Variants in VWA3B observed in about 807,000 individuals in gnomAD.
VWA3B encodes von Willebrand factor A domain containing 3B.
In VWA3B, 138 loss-of-function variants were observed where a neutral mutation model predicts 158.3. The ratio of observed to expected loss-of-function variants is 0.87; its 90% CI spans 0.76 to 1.00. The LOEUF (loss-of-function observed/expected upper bound fraction) is 1.00. Among genes scored for constraint, VWA3B ranks in the 50% least tolerant of loss-of-function variants. VWA3B has a pLI of 0.00. For synonymous variants in VWA3B, 596 were observed against 587.3 expected (o/e 1.01, Z -0.21); for missense variants, 1,555 against 1,565.1 (o/e 0.99, Z 0.11).
chr2:98,256,113 T>G lies in VWA3B; in HGVS notation c.2793-11T>G. 6.2e-7 allele frequency: 1 copy of G among 1,613,050 alleles called. No individual in the cohort carries two copies. The highest frequency in any genetic ancestry group is 1.1e-5 in the South Asian group (1 of 90,922). On this transcript the variant is annotated splice_polypyrimidine_tract_variant and intron_variant, in intron 20 of 27. Transcript: ENST00000477737. ...GCTACAAAATTATTGTTGACTTTTTTTTTTTAACAGGCGCTTGAATAAAAT... is the reference window on the plus strand; with the variant it reads ...GCTACAAAATTATTGTTGACTTTTTGTTTTTAACAGGCGCTTGAATAAAAT...
rs1682904719 is a variant in VWA3B, at chr2:98,098,996, C to T, written c.196+5708C>T. On this transcript the variant is annotated intron_variant, in intron 2 of 27. Coordinates refer to ENST00000477737, the MANE Select transcript of VWA3B (RefSeq NM_144992.5). ...AACCTTCTAAACTTTAACTCTATCC[C>T]CCAATTTTGAATTTTTGATATGATT... Among the ~76,000 whole-genome samples the T allele has an allele frequency of 2.6e-5, 4 of 152,022 alleles. No homozygotes were observed. The South Asian group carries it at 8.3e-4, about 32-fold the overall frequency.
chr2:98,301,594 C>A (rs1424415470), intron 25 of VWA3B, among the ~76,000 whole-genome samples: 2 of 152,170 alleles, frequency 1.3e-5, no homozygotes, highest in Non-Finnish European at 2.9e-5. Flanking sequence ...TCACTCAGAT[C>A]CCTTCCTTCT....
chr2:98,174,845 A>C (rs1478107045), intron 8 of VWA3B, among the ~76,000 whole-genome samples: 2 of 152,216 alleles, frequency 1.3e-5, no homozygotes, highest in African/African-American at 4.8e-5. Flanking sequence ...ACAGCATGGA[A>C]AGTGTGGCCT....
chr2:98,214,212 A>AG (rs1553416711), intron 13 of VWA3B, among the ~76,000 whole-genome samples: 4 of 151,490 alleles, frequency 2.6e-5, no homozygotes, highest in African/African-American at 9.7e-5. Flanking sequence ...CAAAAAAAAA[A>AG]GCAAAACACA....
At chr2:98,270,546 C>A in intron 21 of VWA3B, 136 bp from the exon 22 acceptor site, 1 of 857,652 alleles carries the variant, frequency 1.2e-6, no homozygotes, top group Non-Finnish European at 1.8e-6. Flanking sequence ...TCATCTGACA[C>A]CTGACACTAG....
At chr2:98,104,345 T>A (rs1362255312) in intron 2 of VWA3B, among the ~76,000 whole-genome samples, 1 of 152,158 alleles carries the variant, frequency 6.6e-6, no homozygotes, top group African/African-American at 2.4e-5. Flanking sequence ...CTCAGGAAGC[T>A]TCCACTCATG....
intron 7 of VWA3B, among the ~76,000 whole-genome samples, chr2:98,156,618 G>C (rs563431747): frequency 3.3e-5 from 5 of 150,548 alleles, no homozygotes; most frequent in Non-Finnish European, 4.4e-5. Context: ...CCTTAGAACA[G>C]AAAGAGGTTC....
chr2:98,160,842 G>T (rs758156762), intron 7 of VWA3B, among the ~76,000 whole-genome samples: 4 of 152,212 alleles, frequency 2.6e-5, no homozygotes, highest in South Asian at 2.1e-4. Context: ...CATGGTAGCC[G>T]TCCGTCTCTG....
At chr2:98,151,873 T>C (rs752229901) in intron 7 of VWA3B, among the ~76,000 whole-genome samples, 2 of 152,248 alleles carry the variant, frequency 1.3e-5, no homozygotes, top group Non-Finnish European at 2.9e-5. Flanking sequence ...TTTTTTCTTC[T>C]TGGGATTCCA....
intron 1 of VWA3B, among the ~76,000 whole-genome samples, chr2:98,092,825 T>C (rs2104808809): frequency 1.0e-5 from 1 of 98,294 alleles, no homozygotes; most frequent in African/African-American, 4.6e-5. Context: ...TGTATATATA[T>C]ATATATATAT....
At chr2:98,147,750 T>G (rs777039031) in intron 7 of VWA3B, among the ~76,000 whole-genome samples, 1 of 152,134 alleles carries the variant, frequency 6.6e-6, no homozygotes, top group South Asian at 2.1e-4. Flanking sequence ...GTGCACAACG[T>G]GCAGGTTTGT....
intron 9 of VWA3B, among the ~76,000 whole-genome samples, chr2:98,183,487 A>G (rs1225131731): frequency 6.6e-6 from 1 of 152,226 alleles, no homozygotes; most frequent in Non-Finnish European, 1.5e-5. Flanking sequence ...AAGATGATGA[A>G]CAACTGGGAG....
intron 7 of VWA3B, among the ~76,000 whole-genome samples, chr2:98,140,029 C>T (rs1228540628): frequency 1.3e-5 from 2 of 151,934 alleles, no homozygotes; most frequent in African/African-American, 4.8e-5. Flanking sequence ...CCAGAAGCGC[C>T]GCCTTAAGAG....
At chr2:98,255,327 C>T (rs868747327) in intron 20 of VWA3B, among the ~76,000 whole-genome samples, 12 of 151,136 alleles carry the variant, frequency 7.9e-5, no homozygotes, top group East Asian at 2.0e-4. Context: ...CCACTGCACC[C>T]GGCTGGAAGC....
At chr2:98,281,139 T>G (rs1024023564) in intron 22 of VWA3B, among the ~76,000 whole-genome samples, 1 of 152,204 alleles carries the variant, frequency 6.6e-6, no homozygotes, top group South Asian at 2.1e-4. Context: ...CAGTCCATTT[T>G]TCAAAGGGAT....
At chr2:98,228,159 T>C in intron 14 of VWA3B, 43 bp from the exon 15 acceptor site, 1 of 1,557,592 alleles carries the variant, frequency 6.4e-7, no homozygotes, top group South Asian at 1.2e-5. Flanking sequence ...ATTTGAGCTC[T>C]TTTTATCTAG....
chr2:98,244,959 T>A (rs1038843560), intron 19 of VWA3B, among the ~76,000 whole-genome samples: 5 of 152,176 alleles, frequency 3.3e-5, no homozygotes, highest in Non-Finnish European at 7.3e-5. Flanking sequence ...CTGCCCTTTA[T>A]GGTCAGTGAC....
intron 26 of VWA3B, among the ~76,000 whole-genome samples, 188 bp downstream of exon 26, chr2:98,303,990 C>G (rs572659512): frequency 6.6e-6 from 1 of 152,356 alleles, no homozygotes; most frequent in East Asian, 1.9e-4. Context: ...GCTACTTATT[C>G]ATCCATCTGG....
chr2:98,293,747 A>G (rs891930930), intron 23 of VWA3B, among the ~76,000 whole-genome samples: 25 of 152,346 alleles, frequency 1.6e-4, no homozygotes, highest in Admixed American at 1.4e-3. Flanking sequence ...ATCTCTTAAT[A>G]TAACCACAAT....
Sources: allele counts gnomAD v4.1 joint callset (sites outside exome capture counted in the v4.1 genomes callset), GRCh38; gene constraint gnomAD v4.1.1; transcripts MANE v1.5; gene names NCBI Gene and HGNC (gene_info 2026-07-23, HGNC 2026-07-21).